The following MAGI2 variants were observed in gnomAD, a reference collection of about 807,000 sequenced individuals.
The protein encoded by MAGI2 is membrane-associated guanylate kinase, WW and PDZ domain-containing protein 2.
Under a neutral mutation model 133.3 loss-of-function variants are expected in MAGI2, and 35 were observed. That is an observed-to-expected ratio of 0.26 (90% CI 0.20 to 0.35). The LOEUF (loss-of-function observed/expected upper bound fraction) is 0.35. Ranked by LOEUF, MAGI2 falls within the 10% of genes least tolerant of loss-of-function variation. MAGI2 has a pLI of 1.00. For synonymous variants in MAGI2, 729 were observed against 710.6 expected (o/e 1.03, Z -0.41); for missense variants, 1,636 against 1,863.4 (o/e 0.88, Z 2.25).
intron 1 of MAGI2, among the ~76,000 whole-genome samples, chr7:79,168,889 G>GATAGATATATATATATATATAT (rs1396243710): frequency 6.8e-5 from 1 of 14,638 alleles, no homozygotes; most frequent in Non-Finnish European, 2.1e-4. Context: ...TCTAAAGATA[G>GATAGATATATATATATATATAT]ATATATATAT....
At chr7:78,765,824 G>T (rs780675661) in intron 2 of MAGI2, among the ~76,000 whole-genome samples, 1 of 152,026 alleles carries the variant, frequency 6.6e-6, no homozygotes, top group Non-Finnish European at 1.5e-5. Flanking sequence ...CAAAACACCC[G>T]AGAAGTGTAA....
intron 21 of MAGI2, among the ~76,000 whole-genome samples, chr7:78,026,672 C>CCGGA (rs1456907413): frequency 6.6e-6 from 1 of 152,076 alleles, no homozygotes; most frequent in Non-Finnish European, 1.5e-5. Context: ...TCGGGTGGGG[C>CCGGA]CGGAGGTGGG....
chr7:78,560,172 C>A (rs7794063), intron 3 of MAGI2, among the ~76,000 whole-genome samples: 114,331 of 152,080 alleles, frequency 0.75, 43,086 homozygotes, highest in East Asian at 0.86. Flanking sequence ...AATGAAGATC[C>A]ACATTAATAA....
intron 1 of MAGI2, among the ~76,000 whole-genome samples, chr7:79,016,003 G>T (rs1375214116): frequency 2.4e-4 from 27 of 112,028 alleles, no homozygotes; most frequent in East Asian, 8.5e-4. Context: ...AGAAGCGGGG[G>T]GGGGGGGTGG....
intron 21 of MAGI2, among the ~76,000 whole-genome samples, chr7:78,059,944 C>A (rs1000793997): frequency 6.6e-6 from 1 of 152,078 alleles, no homozygotes; most frequent in Admixed American, 6.6e-5. Context: ...TCAGACAGAC[C>A]TAACATTAGC....
At chr7:79,331,322 T>G (rs757539901) in intron 1 of MAGI2, among the ~76,000 whole-genome samples, 7 of 152,172 alleles carry the variant, frequency 4.6e-5, no homozygotes, top group African/African-American at 7.2e-5. Flanking sequence ...TGCATTTTTA[T>G]GTATTCCATG....
rs567500513 is a variant in MAGI2 at position 78,945,232 on chromosome 7, T to C, written c.418+61858A>G. 2.0e-5 allele frequency among the ~76,000 whole-genome samples: 3 copies of C among 151,196 alleles called. No homozygotes were observed. In the East Asian group the frequency reaches 5.9e-4, roughly 30 times the overall value. On this transcript the variant is annotated intron_variant, in intron 2 of 21. Transcript: ENST00000354212. The stretch of plus-strand genomic sequence containing the variant: ...GTGCATCCCCACACCCAGCTAATTT[T>C]TGTATTTTTAGTAGAGATGGGGTTT...
At chr7:78,650,576 C>G (rs1393661213) in intron 2 of MAGI2, among the ~76,000 whole-genome samples, 1 of 152,090 alleles carries the variant, frequency 6.6e-6, no homozygotes, top group African/African-American at 2.4e-5. Flanking sequence ...AAGAGAGAGC[C>G]TTTAATGAAG....
chr7:78,768,803 C>T (rs1466259021), intron 2 of MAGI2, among the ~76,000 whole-genome samples: 1 of 152,138 alleles, frequency 6.6e-6, no homozygotes, highest in African/African-American at 2.4e-5. Context: ...CACTATTTTG[C>T]ATCCTCATGC....
intron 2 of MAGI2, among the ~76,000 whole-genome samples, chr7:78,655,049 G>A (rs1308714371): frequency 6.6e-6 from 1 of 151,496 alleles, no homozygotes; most frequent in East Asian, 1.9e-4. Flanking sequence ...ACCCTGATGT[G>A]ACTTTTATAT....
intron 1 of MAGI2, among the ~76,000 whole-genome samples, chr7:79,448,825 AAC>A (rs1173308473): frequency 5.9e-5 from 9 of 152,154 alleles, no homozygotes; most frequent in South Asian, 2.1e-4. Flanking sequence ...CAAAAGATTA[AAC>A]AGTGTAAATG....
At chr7:79,018,566 A>C (rs1368871262) in intron 1 of MAGI2, among the ~76,000 whole-genome samples, 3 of 152,208 alleles carry the variant, frequency 2.0e-5, no homozygotes, top group Non-Finnish European at 4.4e-5. Context: ...TTGAATGTGA[A>C]TAGAGTAAAT....
At chr7:78,532,571 T>C (rs1797558261) in intron 3 of MAGI2, among the ~76,000 whole-genome samples, 1 of 152,238 alleles carries the variant, frequency 6.6e-6, no homozygotes, top group Non-Finnish European at 1.5e-5. Context: ...ACTTTATATT[T>C]TAGTCTATGT....
chr7:78,257,411 C>T (rs952452109), intron 9 of MAGI2, among the ~76,000 whole-genome samples: 1 of 152,128 alleles, frequency 6.6e-6, no homozygotes, highest in Non-Finnish European at 1.5e-5. Context: ...CACAGTTCAT[C>T]CTCTGATCTT....
At chr7:79,202,404 A>G (rs1018885614) in intron 1 of MAGI2, among the ~76,000 whole-genome samples, 1 of 151,986 alleles carries the variant, frequency 6.6e-6, no homozygotes, top group South Asian at 2.1e-4. Flanking sequence ...TGGTTTATAC[A>G]AACAGCCCTA....
chr7:78,544,814 A>G (rs773364721), intron 3 of MAGI2, among the ~76,000 whole-genome samples: 21 of 152,068 alleles, frequency 1.4e-4, no homozygotes, highest in East Asian at 3.9e-4. Context: ...AGCCTGGGCA[A>G]TAAGAGTGAA....
At chr7:78,976,493 A>G (rs1804264052) in intron 2 of MAGI2, among the ~76,000 whole-genome samples, 1 of 150,488 alleles carries the variant, frequency 6.6e-6, no homozygotes, top group Non-Finnish European at 1.5e-5. Context: ...ATCACCTAAC[A>G]TCTCATGTTT....
intron 2 of MAGI2, among the ~76,000 whole-genome samples, chr7:78,644,116 C>A (rs1485684887): frequency 6.6e-6 from 1 of 151,686 alleles, no homozygotes; most frequent in Non-Finnish European, 1.5e-5. Context: ...GGAGTCAATT[C>A]CTTAACAGGA....
At chr7:79,391,878 G>T (rs2129152295) in intron 1 of MAGI2, among the ~76,000 whole-genome samples, 1 of 152,030 alleles carries the variant, frequency 6.6e-6, no homozygotes, top group African/African-American at 2.4e-5. Context: ...TAGAGACGGG[G>T]TTTCACCATG....
Sources: allele counts gnomAD v4.1 joint callset (sites outside exome capture counted in the v4.1 genomes callset), GRCh38; gene constraint gnomAD v4.1.1; transcripts MANE v1.5; gene names NCBI Gene and HGNC (gene_info 2026-07-23, HGNC 2026-07-21).